TBC1D32: variants seen among roughly 807,000 people sequenced by gnomAD.
The protein encoded by TBC1D32 is TBC1 domain family member 32.
Under a neutral mutation model 170.3 loss-of-function variants are expected in TBC1D32, and 151 were observed. The observed-to-expected ratio is 0.89, with a 90% CI of 0.78 to 1.01. TBC1D32 has a LOEUF of 1.01. Among genes scored for constraint, TBC1D32 ranks in the 50% least tolerant of loss-of-function variants. The pLI, the probability that TBC1D32 is intolerant of heterozygous loss-of-function variation, is 0.00. For missense variants in TBC1D32, 1,464 were observed against 1,457.1 expected (o/e 1.00, Z -0.08); for synonymous variants, 498 against 488.0 (o/e 1.02, Z -0.27).
chr6:121,295,479 A>T (rs1014477570), intron 10 of TBC1D32, among the ~76,000 whole-genome samples: 7 of 152,096 alleles, frequency 4.6e-5, no homozygotes, highest in African/African-American at 1.7e-4. Context: ...ATTTTCAGGA[A>T]AGACAGCTGA....
At chr6:121,093,404 G>C (rs1169934861) in intron 30 of TBC1D32, among the ~76,000 whole-genome samples, 1 of 152,122 alleles carries the variant, frequency 6.6e-6, no homozygotes, top group Non-Finnish European at 1.5e-5. Flanking sequence ...TTCTCTCTCT[G>C]TTCTTTGCTA....
At chr6:121,128,937 A>C (rs1213171974) in intron 25 of TBC1D32, among the ~76,000 whole-genome samples, 3 of 152,120 alleles carry the variant, frequency 2.0e-5, no homozygotes, top group African/African-American at 7.2e-5. Flanking sequence ...TCATGAAAGG[A>C]ATTAGTGCCC....
chr6:121,194,384 C>G (rs1037048384), intron 22 of TBC1D32, among the ~76,000 whole-genome samples: 1 of 152,166 alleles, frequency 6.6e-6, no homozygotes, highest in African/African-American at 2.4e-5. Flanking sequence ...AAAACAGTAT[C>G]ACATCCCTGC....
chr6:121,197,977 C>A (rs892343513), intron 22 of TBC1D32, among the ~76,000 whole-genome samples: 1 of 151,840 alleles, frequency 6.6e-6, no homozygotes, highest in African/African-American at 2.4e-5. Flanking sequence ...TGAGACTGGC[C>A]TAGCCTCCCA....
At chr6:121,282,522 G>T (rs190295765) in intron 13 of TBC1D32, among the ~76,000 whole-genome samples, 3 of 151,736 alleles carry the variant, frequency 2.0e-5, no homozygotes, top group Admixed American at 2.0e-4. Flanking sequence ...CAATAAACAC[G>T]CTGACTTCAG....
chr6:121,116,025 C>T (rs1779643812), intron 26 of TBC1D32, among the ~76,000 whole-genome samples: 1 of 152,124 alleles, frequency 6.6e-6, no homozygotes, highest in African/African-American at 2.4e-5. Context: ...CTGAAACTTT[C>T]AATTTCTGGC....
intron 15 of TBC1D32, among the ~76,000 whole-genome samples, chr6:121,271,275 G>A (rs1002870105): frequency 1.3e-5 from 2 of 152,086 alleles, no homozygotes; most frequent in African/African-American, 4.8e-5. Flanking sequence ...CAATCAGGCA[G>A]GAGAAAGAAA....
chr6:121,095,391 A>G (rs1481838921), intron 30 of TBC1D32, among the ~76,000 whole-genome samples: 1 of 151,984 alleles, frequency 6.6e-6, no homozygotes, highest in African/African-American at 2.4e-5. Flanking sequence ...AGAACATTAC[A>G]TCTTCCTCTT....
chr6:121,262,658 G>A (rs914176558), intron 15 of TBC1D32, among the ~76,000 whole-genome samples: 15 of 151,932 alleles, frequency 9.9e-5, no homozygotes, highest in Admixed American at 9.2e-4. Flanking sequence ...TCTATTTTTA[G>A]TACAGACAGA....
intron 21 of TBC1D32, among the ~76,000 whole-genome samples, chr6:121,217,668 G>T (rs1246522011): frequency 1.3e-5 from 2 of 152,028 alleles, no homozygotes; most frequent in African/African-American, 4.8e-5. Context: ...AGAAGGGAGA[G>T]GAACAGAAAA....
At chr6:121,113,612 A>T (rs145430390) in intron 27 of TBC1D32, among the ~76,000 whole-genome samples, 124 of 152,266 alleles carry the variant, frequency 8.1e-4, no homozygotes, top group African/African-American at 2.8e-3. Context: ...ACTAGGGGGC[A>T]CTACTGGTAC....
intron 20 of TBC1D32, among the ~76,000 whole-genome samples, chr6:121,230,084 C>T: frequency 6.6e-6 from 1 of 152,060 alleles, no homozygotes; most frequent in Admixed American, 6.6e-5. Context: ...TTATAAATTA[C>T]CCAGTCTCGG....
chr6:121,188,164 A>ATAG (rs1789449134), intron 22 of TBC1D32, among the ~76,000 whole-genome samples: 1 of 152,152 alleles, frequency 6.6e-6, no homozygotes, highest in Non-Finnish European at 1.5e-5. Flanking sequence ...CTACTTCATA[A>ATAG]GTTTGTTCTG....
At chr6:121,145,802 A>G (rs537253089) in intron 24 of TBC1D32, among the ~76,000 whole-genome samples, 9 of 152,282 alleles carry the variant, frequency 5.9e-5, no homozygotes, top group African/African-American at 1.9e-4. Context: ...TGGTGATAAT[A>G]TAGAAGTCCC....
intron 30 of TBC1D32, among the ~76,000 whole-genome samples, chr6:121,105,042 T>C (rs1778548103): frequency 6.6e-6 from 1 of 151,914 alleles, no homozygotes; most frequent in African/African-American, 2.4e-5. Context: ...AAGTAATATA[T>C]AATTTAGGAA....
At chr6:121,263,223 A>AC (rs57123562) in intron 15 of TBC1D32, among the ~76,000 whole-genome samples, 15,956 of 151,102 alleles carry the variant, frequency 0.11, 1,547 homozygotes, top group African/African-American at 0.26. Context: ...CAAAAAACAA[A>AC]ACAAAAAAAA....
intron 15 of TBC1D32, among the ~76,000 whole-genome samples, chr6:121,256,488 CAG>C (rs1452502977): frequency 1.3e-5 from 2 of 151,976 alleles, no homozygotes; most frequent in African/African-American, 4.8e-5. Context: ...AATACAGAGA[CAG>C]GGAAAAAGCA....
rs1412642060 is a variant in TBC1D32, at chr6:121,148,650, G to A, written c.2773+11360C>T. The stretch of plus-strand genomic sequence containing the variant: ...TTTTTTTTAGATGGAGTCTCGCTCT[G>A]TCACCTGGGCTGGAGTATAGTGGCA... On this transcript the variant is annotated intron_variant, in intron 24 of 31. Transcript: ENST00000398212. Among the ~76,000 whole-genome samples the A allele has an allele frequency of 2.6e-5, 4 of 151,854 alleles. No homozygotes were observed. The East Asian group carries it at 7.8e-4, about 29-fold the overall frequency.
At chr6:121,085,306 T>TAC (rs1776118138) in intron 31 of TBC1D32, among the ~76,000 whole-genome samples, 1 of 145,640 alleles carries the variant, frequency 6.9e-6, no homozygotes, top group East Asian at 2.0e-4. Context: ...CATACATATA[T>TAC]ATACATATAT....
Sources: allele counts gnomAD v4.1 joint callset (sites outside exome capture counted in the v4.1 genomes callset), GRCh38; gene constraint gnomAD v4.1.1; transcripts MANE v1.5; gene names NCBI Gene and HGNC (gene_info 2026-07-23, HGNC 2026-07-21).